Variants in ATP11B observed in about 807,000 individuals in gnomAD.
ATP11B encodes ATPase phospholipid transporting 11B (putative), also known as phospholipid-transporting ATPase IF.
A neutral mutation model predicts 157.8 loss-of-function variants in ATP11B; 81 were observed. That is an observed-to-expected ratio of 0.51 (90% CI 0.43 to 0.62). The LOEUF (loss-of-function observed/expected upper bound fraction) is 0.62, where lower values mean the gene tolerates loss of function less well. Ranked by LOEUF, ATP11B falls within the 20% of genes least tolerant of loss-of-function variation. The pLI, the probability that ATP11B is intolerant of heterozygous loss-of-function variation, is 0.00. For synonymous variants in ATP11B, 451 were observed against 469.4 expected, an observed-to-expected ratio of 0.96 and a Z score of 0.51; for missense variants, 1,165 against 1,402.2, an observed-to-expected ratio of 0.83 and a Z score of 2.70.
intron 27 of ATP11B, 32 bp downstream of exon 27, chr3:182,897,438 G>T: frequency 7.3e-7 from 1 of 1,362,542 alleles, no homozygotes; most frequent in Non-Finnish European, 1.0e-6. Flanking sequence ...TAATTGGATT[G>T]CTTCAACTAT....
At chr3:182,877,862 G>A (rs894559902) in intron 19 of ATP11B, among the ~76,000 whole-genome samples, 3 of 152,118 alleles carry the variant, frequency 2.0e-5, no homozygotes, top group Admixed American at 6.6e-5. Flanking sequence ...ATTATCCCAT[G>A]GATTGTAAGA....
intron 1 of ATP11B, among the ~76,000 whole-genome samples, chr3:182,811,559 C>T (rs1263134839): frequency 6.6e-6 from 1 of 152,138 alleles, no homozygotes; most frequent in East Asian, 1.9e-4. Context: ...CTCATCCCCC[C>T]AGAAGGAGTT....
chr3:182,915,293 A>G, intron 29 of ATP11B: 1 of 985,400 alleles, frequency 1.0e-6, no homozygotes, highest in Non-Finnish European at 1.2e-6. Flanking sequence ...TGACTTGATT[A>G]TAACGTGATC....
chr3:182,896,554 T>G (rs1723560761), intron 25 of ATP11B, 146 bp from the exon 26 acceptor site: 2 of 656,610 alleles, frequency 3.0e-6, no homozygotes, highest in African/African-American at 1.8e-5. Flanking sequence ...CTTCTCATAC[T>G]TTTAACTTTA....
intron 1 of ATP11B, among the ~76,000 whole-genome samples, chr3:182,805,476 C>T (rs192325071): frequency 1.6e-3 from 238 of 149,794 alleles, no homozygotes; most frequent in Middle Eastern, 6.8e-3. Context: ...TCTTTTGAGA[C>T]GGAGTTTCAC....
At chr3:182,835,499 G>A (rs144466092) in intron 4 of ATP11B, among the ~76,000 whole-genome samples, 4 of 152,276 alleles carry the variant, frequency 2.6e-5, no homozygotes, top group Non-Finnish European at 5.9e-5. Flanking sequence ...TTGGTAGATG[G>A]TGATGTTATT....
At chr3:182,870,397 C>T (rs1012850881) in intron 17 of ATP11B, among the ~76,000 whole-genome samples, 5 of 152,168 alleles carry the variant, frequency 3.3e-5, no homozygotes, top group African/African-American at 1.2e-4. Flanking sequence ...CATCTGCCTT[C>T]TTTAACAGTT....
intron 29 of ATP11B, chr3:182,916,421 C>T (rs1725145293): frequency 1.0e-6 from 1 of 985,156 alleles, no homozygotes; most frequent in African/African-American, 1.7e-5. Flanking sequence ...TACATTTGTA[C>T]CATCCAGGCA....
chr3:182,830,271 C>T (rs374952538), intron 4 of ATP11B, among the ~76,000 whole-genome samples: 3 of 149,960 alleles, frequency 2.0e-5, no homozygotes, highest in South Asian at 2.1e-4. Flanking sequence ...TGCCCTGAGC[C>T]GTGATTATGT....
chr3:182,886,045 C>G, intron 23 of ATP11B, 35 bp downstream of exon 23: 1 of 1,365,490 alleles, frequency 7.3e-7, no homozygotes, highest in Non-Finnish European at 9.8e-7. Context: ...TGTGTTTTGT[C>G]CTTTTAGAGT....
intron 23 of ATP11B, 67 bp from the exon 24 acceptor site, chr3:182,887,519 G>A (rs1722876161): frequency 7.4e-7 from 1 of 1,354,916 alleles, no homozygotes; most frequent in Non-Finnish European, 1.0e-6. Flanking sequence ...AATATGCATA[G>A]TTGTCATATG....
intron 1 of ATP11B, among the ~76,000 whole-genome samples, chr3:182,816,043 A>G (rs1716949649): frequency 6.6e-6 from 1 of 152,096 alleles, no homozygotes; most frequent in South Asian, 2.1e-4. Context: ...GTGTATTAAC[A>G]GTACTTCCCC....
intron 4 of ATP11B, among the ~76,000 whole-genome samples, chr3:182,834,834 T>C (rs1216737628): frequency 3.9e-5 from 6 of 152,232 alleles, no homozygotes; most frequent in African/African-American, 1.4e-4. Flanking sequence ...AATTCATGTA[T>C]AAGTTTTGAC....
At chr3:182,913,076 G>T (rs1724905352) in intron 28 of ATP11B, among the ~76,000 whole-genome samples, 1 of 152,072 alleles carries the variant, frequency 6.6e-6, no homozygotes, top group Admixed American at 6.6e-5. Context: ...ATTTATGCCT[G>T]AATCAACATA....
At position 182,873,880 on chromosome 3, in the gene ATP11B, C is replaced by G. The variant is rs779607762; in HGVS notation, c.2117C>G (p.Thr706Ser). The change falls in exon 19 of 30, where the codon ACT (threonine) becomes AGT (serine). Residue 706 changes from threonine (T) to serine (S), a missense_variant. By Grantham distance (58) the Thr-to-Ser change is moderately conservative. Transcript: ENST00000323116. Reference sequence around the variant, plus strand: ...GCTGGTATCAAAGTATGGGTACTTACTGGGGATAAACATGAAACAGCTGTT... The same window carrying G: ...GCTGGTATCAAAGTATGGGTACTTAGTGGGGATAAACATGAAACAGCTGTT... ...RMAGIKVWVL[T>S]GDKHETAVSV... 3.1e-6 allele frequency: 5 copies of G among 1,613,958 alleles called. No individual in the cohort carries two copies. The African/African-American group carries it at 6.7e-5, about 22-fold the overall frequency.
chr3:182,872,627 C>G, intron 18 of ATP11B, 90 bp downstream of exon 18: 1 of 1,088,352 alleles, frequency 9.2e-7, no homozygotes, highest in Non-Finnish European at 1.3e-6. Flanking sequence ...ATTCTCTTTA[C>G]TAACATCCCA....
intron 28 of ATP11B, among the ~76,000 whole-genome samples, chr3:182,903,740 G>A (rs1724132952): frequency 6.6e-6 from 1 of 152,142 alleles, no homozygotes; most frequent in African/African-American, 2.4e-5. Context: ...TTATCAGTAG[G>A]TGACTTTAAA....
chr3:182,906,422 A>G (rs993772580), intron 28 of ATP11B, among the ~76,000 whole-genome samples: 2 of 152,132 alleles, frequency 1.3e-5, no homozygotes, highest in African/African-American at 2.4e-5. Context: ...GACTGCTGCT[A>G]TTCAACAAAC....
At chr3:182,812,310 T>TG (rs1217212691) in intron 1 of ATP11B, among the ~76,000 whole-genome samples, 15 of 152,190 alleles carry the variant, frequency 9.9e-5, no homozygotes, top group African/African-American at 3.6e-4. Flanking sequence ...TTATGATTGT[T>TG]GGGGGAGAAG....
Sources: gnomAD v4.1 joint callset for allele counts (sites outside exome capture counted in the v4.1 genomes callset) on GRCh38, gnomAD v4.1.1 for gene constraint, MANE v1.5 for transcripts, NCBI Gene and HGNC (gene_info 2026-07-23, HGNC 2026-07-21) for gene names.